Variants in HEATR4 observed in about 807,000 individuals in gnomAD.
HEATR4 encodes HEAT repeat containing 4.
Under a neutral mutation model 108.8 loss-of-function variants are expected in HEATR4, and 95 were observed. The ratio of observed to expected loss-of-function variants is 0.87; its 90% CI spans 0.74 to 1.04. The LOEUF is 1.04. HEATR4 is among the 50% of genes least tolerant of loss of function. The pLI is 0.00. For missense variants in HEATR4, 1,152 were observed against 1,253.8 expected (o/e 0.92, Z 1.23); for synonymous variants, 443 against 459.4 (o/e 0.96, Z 0.46).
the HEATR4 span, chr14:73,571,159 CGCTG>C: frequency 2.6e-5 from 4 of 151,702 alleles, no homozygotes; most frequent in African/African-American, 9.8e-5. Flanking sequence ...CCTAGCTCCC[CGCTG>C]GCTGGCTATG....
At chr14:73,559,362 G>A (rs1011034322), upstream of HEATR4, among the ~76,000 whole-genome samples, 1 of 151,524 alleles carries the variant, frequency 6.6e-6, no homozygotes, top group Non-Finnish European at 1.5e-5. Context: ...CAAGTGATGT[G>A]TCCGCCTTGG....
chr14:73,487,939 G>A (rs115171678), intron 17 of HEATR4, among the ~76,000 whole-genome samples: 3,371 of 152,322 alleles, frequency 0.022, 43 homozygotes, highest in Middle Eastern at 0.041. Flanking sequence ...GCTTGTAGAA[G>A]TAGAGTTTAC....
chr14:73,593,570 T>G, the HEATR4 span: 3 of 751,080 alleles, frequency 4.0e-6, no homozygotes, highest in Non-Finnish European at 6.4e-6. Flanking sequence ...CTTGAACTCC[T>G]GGCCTCAAGC....
chr14:73,490,835 T>C (rs1885658488), intron 17 of HEATR4: 1 of 562,822 alleles, frequency 1.8e-6, no homozygotes. Context: ...CGCTACAGCT[T>C]GAAGCCAAAC....
intron 1 of HEATR4, among the ~76,000 whole-genome samples, chr14:73,541,278 GGTT>G (rs1802027595): frequency 9.0e-6 from 1 of 110,552 alleles, no homozygotes; most frequent in African/African-American, 3.0e-5. Context: ...AGGACATTTG[GGTT>G]GTTTCCAGTC....
chr14:73,513,913 A>G, intron 6 of HEATR4, 118 bp downstream of exon 6: 1 of 1,028,482 alleles, frequency 9.7e-7, no homozygotes, highest in East Asian at 2.4e-5. Flanking sequence ...TAATGAGGCA[A>G]CCAGATTTTT....
chr14:73,568,431 C>T, the HEATR4 span, among the ~76,000 whole-genome samples: 2 of 151,646 alleles, frequency 1.3e-5, no homozygotes, highest in African/African-American at 4.8e-5. Flanking sequence ...TGGGGAGCTC[C>T]GGTAGTCCTT....
chr14:73,633,368 G>GA, the HEATR4 span, among the ~76,000 whole-genome samples: 1 of 152,092 alleles, frequency 6.6e-6, no homozygotes, highest in African/African-American at 2.4e-5. Flanking sequence ...CATCCCCTAT[G>GA]TCCCCGCTGG....
At chr14:73,501,993 C>T (rs1051056478) in intron 11 of HEATR4, among the ~76,000 whole-genome samples, 4 of 151,870 alleles carry the variant, frequency 2.6e-5, no homozygotes, top group African/African-American at 9.7e-5. Flanking sequence ...GATCCACCCG[C>T]CTCGGCCTCC....
At chr14:73,503,771 T>C (rs1023049123) in intron 10 of HEATR4, among the ~76,000 whole-genome samples, 1 of 152,222 alleles carries the variant, frequency 6.6e-6, no homozygotes, top group Non-Finnish European at 1.5e-5. Context: ...GGAAGACTTA[T>C]CCCTGCACCC....
Position 73,537,317 on chromosome 14 carries a change from T to C in HEATR4, c.-151-7073A>G, listed in dbSNP as rs188235873. 8.4e-4 allele frequency: 851 copies of C among 1,009,850 alleles called. 185 individuals are homozygous for C. In the African/African-American group the frequency reaches 0.012, roughly 15 times the overall value. 62.6% of individuals were successfully genotyped at this position (1,009,850 alleles called of 1,614,324 possible). On this transcript the variant is annotated intron_variant, in intron 1 of 17. Transcript: ENST00000553558. ...ACATTAGCAGACAGCTCTGCCCTAG[T>C]GGGCGTTTAGCCTGCGACGGCAGCC...
At chr14:73,563,632 G>C (rs983065702), upstream of HEATR4, among the ~76,000 whole-genome samples, 2 of 151,792 alleles carry the variant, frequency 1.3e-5, no homozygotes, top group African/African-American at 4.8e-5. Flanking sequence ...GTACAACAAT[G>C]TAATGTACTT....
chr14:73,510,457 T>TA, intron 7 of HEATR4, among the ~76,000 whole-genome samples: 1 of 151,486 alleles, frequency 6.6e-6, no homozygotes, highest in East Asian at 1.9e-4. Flanking sequence ...TTTTTTGAGA[T>TA]AGAGTTTTTG....
intron 2 of HEATR4, chr14:73,528,909 GACTTATT>G (rs1015183757): frequency 6.6e-6 from 1 of 152,106 alleles, no homozygotes; most frequent in African/African-American, 2.4e-5. Flanking sequence ...AGGAAGAAAG[GACTTATT>G]AATGGAGTTT....
the HEATR4 span, among the ~76,000 whole-genome samples, chr14:73,594,587 A>C: frequency 6.6e-6 from 1 of 152,156 alleles, no homozygotes; most frequent in Non-Finnish European, 1.5e-5. Context: ...CTGTCAGCTG[A>C]GGTTGATTTT....
chr14:73,559,873 A>G (rs1035646955), upstream of HEATR4, among the ~76,000 whole-genome samples: 78 of 152,274 alleles, frequency 5.1e-4, 1 homozygote, highest in African/African-American at 1.8e-3. Context: ...GCGTCAGATT[A>G]CCAGGCTGAT....
At chr14:73,589,169 T>A in the HEATR4 span, among the ~76,000 whole-genome samples, 49 of 152,328 alleles carry the variant, frequency 3.2e-4, no homozygotes, top group Non-Finnish European at 5.7e-4. Flanking sequence ...TAATGACATG[T>A]ATCCACCATT....
chr14:73,561,950 C>A (rs562001009), upstream of HEATR4, among the ~76,000 whole-genome samples: 1 of 152,166 alleles, frequency 6.6e-6, no homozygotes, highest in South Asian at 2.1e-4. Flanking sequence ...TGCCACTGCA[C>A]TCCAGAGCCT....
intron 17 of HEATR4, chr14:73,491,336 G>A: frequency 6.8e-7 from 1 of 1,463,264 alleles, no homozygotes; most frequent in Non-Finnish European, 9.0e-7. Flanking sequence ...AGAGCTGCTG[G>A]AGGCCTCGCC....
Sources: allele counts gnomAD v4.1 joint callset (sites outside exome capture counted in the v4.1 genomes callset), GRCh38; gene constraint gnomAD v4.1.1; transcripts MANE v1.5; gene names NCBI Gene and HGNC (gene_info 2026-07-23, HGNC 2026-07-21).